The following CDON variants were observed in gnomAD, a reference collection of about 807,000 sequenced individuals.
CDON encodes cell adhesion associated, oncogene regulated, also known as cell adhesion molecule-related/down-regulated by oncogenes.
CDON carries 73 observed loss-of-function variants against 120.9 expected under a neutral mutation model. The observed-to-expected ratio is 0.60, with a 90% CI of 0.50 to 0.73. CDON has a LOEUF of 0.73. CDON is among the 30% of genes least tolerant of loss of function. The pLI, the probability that CDON is intolerant of heterozygous loss-of-function variation, is 0.00. For missense variants in CDON, 1,470 were observed against 1,587.3 expected (o/e 0.93, Z 1.26); for synonymous variants, 566 against 573.5 (o/e 0.99, Z 0.19).
intron 1 of CDON, among the ~76,000 whole-genome samples, chr11:126,031,402 T>A (rs1214756477): frequency 6.6e-6 from 1 of 152,214 alleles, no homozygotes; most frequent in Non-Finnish European, 1.5e-5. Flanking sequence ...ACTTTTCCAA[T>A]CAGAAACTAA....
chr11:126,023,874 TC>T (rs1947708734), intron 1 of CDON, among the ~76,000 whole-genome samples: 2 of 152,204 alleles, frequency 1.3e-5, no homozygotes, highest in Non-Finnish European at 2.9e-5. Context: ...CTCTTTCACA[TC>T]CCCTAAAATA....
intron 1 of CDON, among the ~76,000 whole-genome samples, chr11:126,059,994 A>G (rs1437804234): frequency 6.6e-6 from 1 of 152,008 alleles, no homozygotes; most frequent in Non-Finnish European, 1.5e-5. Context: ...TTTTCAAGTG[A>G]CATTAAGAAT....
chr11:125,996,561 G>T (rs541612824), intron 12 of CDON, among the ~76,000 whole-genome samples: 72 of 151,896 alleles, frequency 4.7e-4, no homozygotes, highest in African/African-American at 1.7e-3. Flanking sequence ...TTAGCTGGGC[G>T]TAGTGGCAGG....
intron 18 of CDON, among the ~76,000 whole-genome samples, chr11:125,965,960 C>T (rs933522245): frequency 1.3e-5 from 2 of 152,006 alleles, no homozygotes; most frequent in Non-Finnish European, 2.9e-5. Flanking sequence ...CATGGAGAAA[C>T]CGCGTCTCTA....
intron 4 of CDON, 30 bp downstream of exon 4, chr11:126,019,589 G>A (rs1322756100): frequency 6.2e-7 from 1 of 1,612,904 alleles, no homozygotes; most frequent in African/African-American, 1.3e-5. Context: ...TGTTCTGTGT[G>A]TGCCACCGGC....
chr11:125,970,439 C>T (rs113413518), intron 18 of CDON, among the ~76,000 whole-genome samples: 10,168 of 152,086 alleles, frequency 0.067, 474 homozygotes, highest in Non-Finnish European at 0.099. Context: ...TCCCAAAGTG[C>T]TGGGATTACA....
At chr11:125,964,898 A>G (rs1355946069) in intron 18 of CDON, among the ~76,000 whole-genome samples, 1 of 152,188 alleles carries the variant, frequency 6.6e-6, no homozygotes, top group Non-Finnish European at 1.5e-5. Context: ...GGCAACCTAT[A>G]TGGCTGCCAC....
rs1233100024 is a variant in CDON, at chr11:126,052,236, A to G, written c.-62+10343T>C. ...AGGAACCCAACCAAAATATAAAATA[A>G]TTTAAAACATGGTGACTAGAGCTTG... On this transcript the variant is annotated intron_variant, in intron 1 of 19. Transcript: ENST00000531738. 2.0e-5 allele frequency among the ~76,000 whole-genome samples: 3 copies of G among 152,222 alleles called. No individual in the cohort carries two copies. The East Asian group carries it at 5.8e-4, about 29-fold the overall frequency.
In CDON at chr11:126,004,094, C is replaced by T. The variant is rs762670861; in HGVS notation, c.1852-18G>A. 6.2e-7 allele frequency: 1 copy of T among 1,613,056 alleles called. No homozygotes were observed. Among genetic ancestry groups the T allele is most frequent in the East Asian group, 2.2e-5 (1 of 44,772 alleles). On this transcript the variant is annotated intron_variant, in intron 9 of 19. Coordinates refer to ENST00000531738, the MANE Select transcript of CDON (RefSeq NM_001378964.1). Reference sequence around the variant, plus strand: ...TCATCCAGCTGCCCAAGAGAAAACACACCAGAAAAGAAAAGCAGGAGATGG... The same window carrying T: ...TCATCCAGCTGCCCAAGAGAAAACATACCAGAAAAGAAAAGCAGGAGATGG...
intron 7 of CDON, among the ~76,000 whole-genome samples, chr11:126,011,254 T>C (rs1947293767): frequency 6.6e-6 from 1 of 152,210 alleles, no homozygotes; most frequent in African/African-American, 2.4e-5. Flanking sequence ...GCACCAAATC[T>C]TTCCTTTTGG....
chr11:126,052,679 C>T (rs939029823), intron 1 of CDON, among the ~76,000 whole-genome samples: 3 of 151,926 alleles, frequency 2.0e-5, no homozygotes, highest in Non-Finnish European at 4.4e-5. Flanking sequence ...AAAAATTAGC[C>T]GGGCATGGTG....
intron 1 of CDON, among the ~76,000 whole-genome samples, chr11:126,042,098 T>C (rs1275135931): frequency 1.3e-5 from 2 of 152,146 alleles, no homozygotes; most frequent in Non-Finnish European, 2.9e-5. Context: ...TGGTCAGGCT[T>C]GTCTCGAACT....
intron 4 of CDON, 43 bp from the exon 5 acceptor site, chr11:126,018,516 A>G: frequency 6.5e-7 from 1 of 1,532,984 alleles, no homozygotes; most frequent in Non-Finnish European, 9.0e-7. Context: ...CCCTTTATGA[A>G]GGACACCACA....
chr11:126,019,482 G>T, intron 4 of CDON, 137 bp downstream of exon 4: 1 of 890,280 alleles, frequency 1.1e-6, no homozygotes, highest in Non-Finnish European at 1.8e-6. Context: ...TTTGTATATT[G>T]TAACCATTTG....
At chr11:126,042,109 C>T (rs1186794019) in intron 1 of CDON, among the ~76,000 whole-genome samples, 3 of 152,216 alleles carry the variant, frequency 2.0e-5, no homozygotes, top group South Asian at 2.1e-4. Context: ...GTCTCGAACT[C>T]CCGACCTTAG....
intron 15 of CDON, among the ~76,000 whole-genome samples, chr11:125,985,349 A>G (rs1946431196): frequency 6.6e-6 from 1 of 151,956 alleles, no homozygotes. Context: ...AATTTTTTTG[A>G]TATTTTTAGT....
rs1945630422 is a variant in CDON, at chr11:125,961,075, A to ACAATGTTGT, written c.3661_3662insACAACATTG (p.Ile1221delinsAsnAsnIleVal). On this transcript the variant is annotated protein_altering_variant, in exon 20 of 20. Coordinates refer to ENST00000531738, the MANE Select transcript of CDON (RefSeq NM_001378964.1). The stretch of plus-strand genomic sequence containing the variant: ...AAGAGCATTCCAACTTACAATGTTG[A>ACAATGTTGT]TCTCTGTTTCTGAATGGGCACAGCT... 1 of 1,613,056 alleles carries ACAATGTTGT rather than the reference A, an allele frequency of 6.2e-7. No homozygotes were observed. Among genetic ancestry groups the ACAATGTTGT allele is most frequent in the Non-Finnish European group, 8.5e-7 (1 of 1,179,260 alleles).
intron 11 of CDON, 119 bp downstream of exon 11, chr11:126,001,600 T>C: frequency 1.2e-6 from 1 of 846,144 alleles, no homozygotes; most frequent in Non-Finnish European, 1.9e-6. Flanking sequence ...AAATAGAACC[T>C]AAAAGAACTG....
At chr11:126,046,757 T>C (rs1948417489) in intron 1 of CDON, among the ~76,000 whole-genome samples, 1 of 152,100 alleles carries the variant, frequency 6.6e-6, no homozygotes, top group African/African-American at 2.4e-5. Context: ...AACGGGAGTG[T>C]CTGGGTGGGG....
Sources: gnomAD v4.1 joint callset for allele counts (sites outside exome capture counted in the v4.1 genomes callset) on GRCh38, gnomAD v4.1.1 for gene constraint, MANE v1.5 for transcripts, NCBI Gene and HGNC (gene_info 2026-07-23, HGNC 2026-07-21) for gene names.